The following MAMLD1 variants were observed in gnomAD, a reference collection of about 807,000 sequenced individuals.
MAMLD1 encodes mastermind like domain containing 1.
In MAMLD1, 14 loss-of-function variants were observed where a neutral mutation model predicts 45.0. The observed-to-expected ratio is 0.31, with a 90% CI of 0.21 to 0.49. The LOEUF (loss-of-function observed/expected upper bound fraction) is 0.49. Ranked by LOEUF, MAMLD1 falls within the 20% of genes least tolerant of loss-of-function variation. The pLI, the probability that MAMLD1 is intolerant of heterozygous loss-of-function variation, is 0.99. For missense variants in MAMLD1, 543 were observed against 603.6 expected (o/e 0.90, Z 1.05); for synonymous variants, 254 against 247.8 (o/e 1.02, Z -0.24).
At chrX:150,370,364 C>T (rs1184229482) in intron 1 of MAMLD1, among the ~76,000 whole-genome samples, 3 of 111,765 alleles carry the variant, frequency 2.7e-5, no homozygotes, top group Non-Finnish European at 3.8e-5. Context: ...TTCATAAATC[C>T]GAATGAACCT....
intron 1 of MAMLD1, among the ~76,000 whole-genome samples, chrX:150,417,643 C>T (rs1171008878): frequency 1.9e-5 from 2 of 105,925 alleles, no homozygotes; most frequent in African/African-American, 3.4e-5. Flanking sequence ...AAAAGTGTTC[C>T]TATTTCTCCA....
chrX:150,369,172 C>G (rs1345375255), intron 1 of MAMLD1, among the ~76,000 whole-genome samples: 1 of 89,474 alleles, frequency 1.1e-5, no homozygotes, highest in Non-Finnish European at 2.2e-5. Flanking sequence ...TTTTTTTTTT[C>G]TGCAACAGTG....
intron 5 of MAMLD1, among the ~76,000 whole-genome samples, chrX:150,485,998 T>C (rs1446233116): frequency 9.0e-6 from 1 of 111,725 alleles, no homozygotes; most frequent in Non-Finnish European, 1.9e-5. Context: ...AGATTATCAG[T>C]TGGGATGTTT....
At chrX:150,377,999 G>T (rs1045022709) in intron 1 of MAMLD1, among the ~76,000 whole-genome samples, 2 of 111,946 alleles carry the variant, frequency 1.8e-5, no homozygotes, top group Non-Finnish European at 3.8e-5. Flanking sequence ...GCTAATAGTG[G>T]TACTAATCTA....
chrX:150,462,781 C>T lies in MAMLD1; in HGVS notation c.106C>T (p.Pro36Ser), dbSNP rs2036088140. ...PRKLQESGKK[P>S]SWMEEEDLSF... ...CTACTCTCACCCCCAGGGAAAGAAG[C>T]CCTCGTGGATGGAGGAAGAAGATTT... Residue 36 changes from proline to serine, a missense_variant, in exon 3 of 8, where the codon CCC (proline) becomes TCC (serine). Transcript: ENST00000370401. 1.7e-6 allele frequency: 2 copies of T among 1,207,347 alleles called. No individual in the cohort carries two copies. The highest frequency in any genetic ancestry group is 1.8e-5 in the South Asian group (1 of 56,753).
chrX:150,421,715 A>G (rs1279790190), intron 1 of MAMLD1, among the ~76,000 whole-genome samples: 22 of 112,311 alleles, frequency 2.0e-4, no homozygotes, highest in African/African-American at 6.8e-4. Flanking sequence ...TCTTTTTAGA[A>G]CGTGTTGGGC....
intron 1 of MAMLD1, among the ~76,000 whole-genome samples, chrX:150,382,245 C>T (rs1438097168): frequency 9.0e-6 from 1 of 111,307 alleles, no homozygotes; most frequent in African/African-American, 3.3e-5. Context: ...AAGGCTATCC[C>T]CACCTCACTG....
intron 2 of MAMLD1, among the ~76,000 whole-genome samples, chrX:150,449,612 G>A (rs1021899263): frequency 6.3e-5 from 7 of 111,598 alleles, no homozygotes; most frequent in Admixed American, 1.9e-4. Flanking sequence ...TTCAGGGTTG[G>A]AACAAGCTCT....
Position 150,512,677 on chromosome X carries a change from C to T in MAMLD1, c.*718C>T. On this transcript the variant is annotated 3_prime_UTR_variant, in exon 8 of 8. Coordinates refer to ENST00000370401, the MANE Select transcript of MAMLD1 (RefSeq NM_005491.5). ...TGCCTGTAGCAAACACCACCAAGTTCCTCCAGCAGGGTATGGCCAGCTTTA... is the reference window on the plus strand; with the variant it reads ...TGCCTGTAGCAAACACCACCAAGTTTCTCCAGCAGGGTATGGCCAGCTTTA... 2.6e-6 allele frequency: 3 copies of T among 1,150,739 alleles called. No homozygotes were observed. The South Asian group carries it at 5.8e-5, about 22-fold the overall frequency. The allele number at this position is 1,150,739 out of a possible 1,213,427, so 94.8% of individuals were successfully genotyped here.
intron 2 of MAMLD1, among the ~76,000 whole-genome samples, chrX:150,460,270 C>T (rs1368576690): frequency 5.4e-5 from 6 of 111,666 alleles, no homozygotes; most frequent in Non-Finnish European, 7.5e-5. Context: ...TTTCCCACTC[C>T]GAACCACAAA....
At chrX:150,416,007 C>T (rs1326983728) in intron 1 of MAMLD1, among the ~76,000 whole-genome samples, 2 of 111,731 alleles carry the variant, frequency 1.8e-5, no homozygotes, top group Non-Finnish European at 3.8e-5. Flanking sequence ...TGACTGGGGG[C>T]CCCTGAGAAG....
chrX:150,499,929 T>C (rs2037501767), intron 5 of MAMLD1, among the ~76,000 whole-genome samples: 1 of 112,036 alleles, frequency 8.9e-6, no homozygotes, highest in African/African-American at 3.3e-5. Flanking sequence ...CAGTTTATCA[T>C]TGGTGTTTAT....
intron 4 of MAMLD1, among the ~76,000 whole-genome samples, chrX:150,473,442 C>A (rs2036488124): frequency 8.9e-6 from 1 of 112,440 alleles, no homozygotes; most frequent in South Asian, 3.7e-4. Context: ...ACACCTGTGG[C>A]AACCCCTAGA....
At chrX:150,440,772 T>A (rs2035274086) in intron 1 of MAMLD1, among the ~76,000 whole-genome samples, 1 of 107,271 alleles carries the variant, frequency 9.3e-6, no homozygotes, top group Non-Finnish European at 1.9e-5. Context: ...GTACATTTTA[T>A]TAATTTTATG....
intron 6 of MAMLD1, among the ~76,000 whole-genome samples, chrX:150,509,074 A>C (rs1285634764): frequency 9.0e-6 from 1 of 111,495 alleles, no homozygotes; most frequent in Non-Finnish European, 1.9e-5. Flanking sequence ...TCCCAGACTG[A>C]GTGCTGAAAC....
At chrX:150,392,305 A>C (rs928309459) in intron 1 of MAMLD1, among the ~76,000 whole-genome samples, 3 of 111,690 alleles carry the variant, frequency 2.7e-5, no homozygotes, top group African/African-American at 9.8e-5. Flanking sequence ...GATTGGGTGG[A>C]AAATGGACTG....
intron 1 of MAMLD1, among the ~76,000 whole-genome samples, chrX:150,367,589 A>C (rs1312647234): frequency 8.9e-6 from 1 of 111,916 alleles, no homozygotes; most frequent in Non-Finnish European, 1.9e-5. Context: ...TTTAAGTTCT[A>C]GGGTACATGT....
At chrX:150,447,500 C>T (rs782229064) in intron 2 of MAMLD1, among the ~76,000 whole-genome samples, 5 of 111,986 alleles carry the variant, frequency 4.5e-5, no homozygotes, top group African/African-American at 9.8e-5. Context: ...TTTGGCTGGA[C>T]GTGACAGGTG....
At chrX:150,362,619 C>G (rs2031069501), upstream of MAMLD1, among the ~76,000 whole-genome samples, 1 of 111,715 alleles carries the variant, frequency 9.0e-6, no homozygotes, top group African/African-American at 3.3e-5. Flanking sequence ...CACTGATGAC[C>G]GCTGGCTTTT....
Sources: gnomAD v4.1 joint callset for allele counts (sites outside exome capture counted in the v4.1 genomes callset) on GRCh38, gnomAD v4.1.1 for gene constraint, MANE v1.5 for transcripts, NCBI Gene and HGNC (gene_info 2026-07-23, HGNC 2026-07-21) for gene names.